The following LILRB3 variants were observed in gnomAD, a reference collection of about 807,000 sequenced individuals.
The protein encoded by LILRB3 is leukocyte immunoglobulin like receptor B3, also known as leukocyte immunoglobulin-like receptor subfamily B member 3.
Under a neutral mutation model 68.2 loss-of-function variants are expected in LILRB3, and 32 were observed. That is an observed-to-expected ratio of 0.47 (90% CI 0.35 to 0.63). LILRB3 has a LOEUF of 0.63. Among genes scored for constraint, LILRB3 ranks in the 30% least tolerant of loss-of-function variants. The pLI, the probability that LILRB3 is intolerant of heterozygous loss-of-function variation, is 0.00. For synonymous variants in LILRB3, 185 were observed against 323.1 expected, an observed-to-expected ratio of 0.57 and a Z score of 4.58; for missense variants, 502 against 791.3, an observed-to-expected ratio of 0.63 and a Z score of 4.39.
At chr19:54,220,405 G>T in intron 6 of LILRB3, 123 bp downstream of exon 6, 1 of 1,115,688 alleles carries the variant, frequency 9.0e-7, no homozygotes, top group Non-Finnish European at 1.2e-6. Context: ...TCTGAGGGCT[G>T]GGTGCCCTCT....
chr19:54,218,491 A>C, intron 10 of LILRB3, 78 bp from the exon 11 acceptor site: 5 of 1,606,164 alleles, frequency 3.1e-6, no homozygotes, highest in Non-Finnish European at 4.3e-6. Context: ...CCCTGCTCCC[A>C]GATGGGGCCA....
In LILRB3 at chr19:54,217,243, C is replaced by A; in HGVS notation, c.1750-4G>T. 6.3e-7 allele frequency: 1 copy of A among 1,596,988 alleles called. No individual in the cohort carries two copies. Among genetic ancestry groups the A allele is most frequent in the Admixed American group, 1.7e-5 (1 of 57,878 alleles). ...GGGAGGCTTCAGATGCAGCAGCCTG[C>A]AGCGGGGGAGAGTGAGAGGTAAGGA... On this transcript the variant is annotated splice_region_variant and splice_polypyrimidine_tract_variant and intron_variant, in intron 12 of 12. Transcript: ENST00000445347.
At chr19:54,220,609 T>C in exon 6 of LILRB3, 2 of 1,507,212 alleles carry the variant, frequency 1.3e-6, no homozygotes, top group Non-Finnish European at 1.8e-6. Context: ...CACCTGTAGG[T>C]CCCCGCGTGG....
At chr19:54,217,137 G>A (rs139094141) in exon 13 of LILRB3, 7 of 1,611,244 alleles carry the variant, frequency 4.3e-6, no homozygotes, top group Non-Finnish European at 5.9e-6. Flanking sequence ...TCAGCTGGAG[G>A]TTCCCCTTCC....
At chr19:54,216,323 T>C (rs1338434823) in exon 13 of LILRB3, 1 of 149,228 alleles carries the variant, frequency 6.7e-6, no homozygotes, top group East Asian at 2.0e-4. Context: ...TTTTTTTTTT[T>C]TTTCGAGACG....
intron 8 of LILRB3, 74 bp from the exon 9 acceptor site, chr19:54,218,912 A>C: frequency 1.3e-6 from 2 of 1,599,648 alleles, no homozygotes; most frequent in Middle Eastern, 3.4e-4. Context: ...CTTGAGGGAA[A>C]GAAGGAAAAC....
In LILRB3 at chr19:54,217,404, A is replaced by G. The variant is rs1042150090; in HGVS notation, c.1664T>C (p.Met555Thr). Residue 555 changes from methionine (M) to threonine (T), a missense_variant, in exon 12 of 13, where the codon ATG becomes ACG. Physicochemically the swap from Met to Thr is moderately conservative, Grantham distance 81. Around this residue, in one of 8 missense-constraint regions of LILRB3, gnomAD observed 267 missense variants for 245.5 expected, o/e 1.09. Transcript: ENST00000445347. ...AGACAGTGAGGAGGGAGGAGAGGCC[A>G]TTTCTCTCCTAGGACTGGAGTGTTT... 5.0e-6 allele frequency: 8 copies of G among 1,605,288 alleles called. No homozygotes were observed. The highest frequency in any genetic ancestry group is 5.1e-6 in the Non-Finnish European group (6 of 1,177,966).
chr19:54,218,373 CTCCACCCTGTCCTCA>C (rs779577154), exon 11 of LILRB3: 2 of 1,614,156 alleles, frequency 1.2e-6, no homozygotes, highest in South Asian at 2.2e-5. Context: ...GACTGTCCAG[CTCCACCCTGTCCTCA>C]GACTGTGTGT....
chr19:54,220,132 C>T (rs2077983003), intron 7 of LILRB3, 23 bp downstream of exon 7: 3 of 1,508,804 alleles, frequency 2.0e-6, no homozygotes, highest in South Asian at 1.2e-5. Flanking sequence ...GGCGGCGCTC[C>T]CCAAGAGGCC....
rs543555565 is a variant in LILRB3, at chr19:54,219,446, C to A, written c.1310-201G>T. On this transcript the variant is annotated intron_variant, in intron 7 of 12. Coordinates refer to ENST00000445347, the Ensembl canonical transcript of LILRB3. ...GGAGTCGCCTGCCCCAGGCCTCCAGCGAGGAAGCGGCAGAGCTGGGAAGGG... is the reference window on the plus strand; with the variant it reads ...GGAGTCGCCTGCCCCAGGCCTCCAGAGAGGAAGCGGCAGAGCTGGGAAGGG... 12 of 1,532,106 alleles carry A rather than the reference C, an allele frequency of 7.8e-6. No homozygotes were observed. In the East Asian group the frequency reaches 2.9e-4, roughly 38 times the overall value. 94.9% of individuals were successfully genotyped at this position (1,532,106 alleles called of 1,614,324 possible).
At chr19:54,218,278 G>A (rs980817600) in intron 11 of LILRB3, 83 bp downstream of exon 11, 14 of 1,558,208 alleles carry the variant, frequency 9.0e-6, no homozygotes, top group East Asian at 2.2e-5. Context: ...GCTGAGAGCC[G>A]GGGGAAGGAG....
Position 54,219,158 on chromosome 19 carries a change from CGG to C in LILRB3, c.1395_1396del (p.Arg466SerfsTer10). On this transcript the variant is annotated frameshift_variant, in exon 8 of 13. Transcript: ENST00000445347. LOFTEE classifies it high-confidence loss of function. The stretch of plus-strand genomic sequence containing the variant: ...TGTCCTGTGTTTGCTGTGACGCTGA[CGG>C]AGGAGGAGGAGGAAGAGGAGGAGGA... The C allele has an allele frequency of 2.3e-5, 36 of 1,545,828 alleles. No individual in the cohort carries two copies. Among genetic ancestry groups the C allele is most frequent in the Non-Finnish European group, 2.9e-5 (33 of 1,133,030 alleles).
chr19:54,217,270 C>T (rs369798282), intron 12 of LILRB3, 31 bp from the exon 13 acceptor site: 16 of 852,680 alleles, frequency 1.9e-5, no homozygotes, highest in African/African-American at 1.0e-4. Context: ...AGGTAAGGAA[C>T]GTGGTGGGGG....
At chr19:54,222,707 G>T (rs1292277571) in intron 2 of LILRB3, 40 bp downstream of exon 2, 1 of 1,612,566 alleles carries the variant, frequency 6.2e-7, no homozygotes, top group Non-Finnish European at 8.5e-7. Flanking sequence ...CCCTGTCCCA[G>T]TGAGGAGTAG....
At chr19:54,217,038 C>G (rs2077523599) in exon 13 of LILRB3, 2 of 1,613,688 alleles carry the variant, frequency 1.2e-6, no homozygotes, top group Admixed American at 1.7e-5. Flanking sequence ...GCTCCCGTGC[C>G]TTCAGCAGTC....
At chr19:54,216,802 C>T (rs2077509141) in exon 13 of LILRB3, 1 of 1,290,778 alleles carries the variant, frequency 7.7e-7, no homozygotes, top group Non-Finnish European at 1.0e-6. Flanking sequence ...AAGGAATCCT[C>T]CCCACTCAGC....
rs2077769405 is a variant in LILRB3, at chr19:54,218,928, A to G, written c.1427-90T>C. ...TTGAGGGAAAGAAGGAAAACTAAAA[A>G]TATTCCTGCATGGATGTTCCAAATA... On this transcript the variant is annotated intron_variant, in intron 8 of 12. Coordinates refer to ENST00000445347, the Ensembl canonical transcript of LILRB3. 4.4e-6 allele frequency: 7 copies of G among 1,587,798 alleles called. No homozygotes were observed. The Admixed American group carries it at 7.2e-5, about 16-fold the overall frequency.
At chr19:54,219,773 C>T (rs2077900658) in intron 7 of LILRB3, 24 of 1,494,728 alleles carry the variant, frequency 1.6e-5, no homozygotes, top group South Asian at 2.5e-5. Context: ...GGGGCCTGTC[C>T]ACATCACCAC....
Position 54,218,558 on chromosome 19 carries a change from A to C in LILRB3, c.1540+87T>G. The C allele has an allele frequency of 3.1e-6, 5 of 1,607,898 alleles. No homozygotes were observed. The African/African-American group carries it at 4.0e-5, about 13-fold the overall frequency. On this transcript the variant is annotated intron_variant, in intron 10 of 12. Transcript: ENST00000445347. ...AAGACCATCTTCCACGGAGCCCCAG[A>C]CCCTTCCCAGCCCCTCCCTGTTGCT...
Sources: gnomAD v4.1 joint callset for allele counts on GRCh38, gnomAD v4.1.1 for gene constraint, gnomAD v4.1.1 regional missense constraint, MANE v1.5 for transcripts, NCBI Gene and HGNC (gene_info 2026-07-23, HGNC 2026-07-21) for gene names.